The following ST6GALNAC3 variants were observed in gnomAD, a reference collection of about 807,000 sequenced individuals.
The protein encoded by ST6GALNAC3 is alpha-N-acetylgalactosaminide alpha-2,6-sialyltransferase 3.
A neutral mutation model predicts 32.7 loss-of-function variants in ST6GALNAC3; 25 were observed. That is an observed-to-expected ratio of 0.76 (90% CI 0.56 to 1.07). The LOEUF is 1.07. ST6GALNAC3 is among the 50% of genes least tolerant of loss of function. The probability of loss-of-function intolerance (pLI) is 0.00; values close to 1 mark genes in which losing one functional copy is unlikely to be tolerated. For synonymous variants in ST6GALNAC3, 129 were observed against 133.1 expected, an observed-to-expected ratio of 0.97 and a Z score of 0.21; for missense variants, 355 against 382.4, an observed-to-expected ratio of 0.93 and a Z score of 0.60.
At chr1:76,352,348 A>G (rs1570931711) in intron 2 of ST6GALNAC3, among the ~76,000 whole-genome samples, 1 of 143,546 alleles carries the variant, frequency 7.0e-6, no homozygotes, top group Non-Finnish European at 1.5e-5. Flanking sequence ...CGTCTGTCCA[A>G]CTTGACTATT....
At chr1:76,520,772 T>C (rs187469005) in intron 3 of ST6GALNAC3, among the ~76,000 whole-genome samples, 4 of 152,322 alleles carry the variant, frequency 2.6e-5, no homozygotes, top group South Asian at 2.1e-4. Context: ...GCTTTCTGTT[T>C]GACTAATATC....
chr1:76,620,744 T>C (rs189632382), intron 3 of ST6GALNAC3, among the ~76,000 whole-genome samples: 5 of 152,052 alleles, frequency 3.3e-5, no homozygotes, highest in African/African-American at 1.2e-4. Flanking sequence ...GACTGGGGAC[T>C]ACGGCCTCAA....
intron 3 of ST6GALNAC3, among the ~76,000 whole-genome samples, chr1:76,605,208 A>G (rs1301313045): frequency 6.6e-6 from 1 of 152,174 alleles, no homozygotes; most frequent in Non-Finnish European, 1.5e-5. Context: ...TGACCATCAG[A>G]TGTTGATAGA....
chr1:76,530,709 T>C (rs1166564026), intron 3 of ST6GALNAC3, among the ~76,000 whole-genome samples: 1 of 152,160 alleles, frequency 6.6e-6, no homozygotes, highest in Non-Finnish European at 1.5e-5. Flanking sequence ...ACTTAAAGGA[T>C]CCTTACAAAA....
intron 3 of ST6GALNAC3, among the ~76,000 whole-genome samples, chr1:76,624,242 A>G (rs149011894): frequency 1.2e-3 from 189 of 152,114 alleles, no homozygotes; most frequent in African/African-American, 4.4e-3. Flanking sequence ...AAATCAGGTT[A>G]GGTCCTAAAG....
At chr1:76,312,173 T>C (rs1557776223) in intron 1 of ST6GALNAC3, among the ~76,000 whole-genome samples, 1 of 149,172 alleles carries the variant, frequency 6.7e-6, no homozygotes, top group Non-Finnish European at 1.5e-5. Flanking sequence ...AAACAAACAA[T>C]GGGGAAAGGA....
intron 1 of ST6GALNAC3, among the ~76,000 whole-genome samples, chr1:76,276,834 G>T (rs1659161502): frequency 6.6e-6 from 1 of 152,146 alleles, no homozygotes; most frequent in African/African-American, 2.4e-5. Flanking sequence ...GGTTTTGTCA[G>T]CATTTAAAAA....
At chr1:76,172,806 C>T (rs1652606700) in intron 1 of ST6GALNAC3, among the ~76,000 whole-genome samples, 1 of 152,136 alleles carries the variant, frequency 6.6e-6, no homozygotes, top group Non-Finnish European at 1.5e-5. Flanking sequence ...TCAAGGAGAA[C>T]TACAAACCAC....
intron 1 of ST6GALNAC3, among the ~76,000 whole-genome samples, chr1:76,251,208 A>G (rs1369012358): frequency 1.3e-5 from 2 of 152,112 alleles, no homozygotes; most frequent in East Asian, 1.9e-4. Flanking sequence ...CACTAGTTTT[A>G]GTCCATTTAC....
chr1:76,628,731 T>C lies in ST6GALNAC3; in HGVS notation c.843T>C (p.Thr281=), dbSNP rs1184225523. 1 of 1,612,518 alleles carries C rather than the reference T, an allele frequency of 6.2e-7. No homozygotes were observed. Among genetic ancestry groups the C allele is most frequent in the Non-Finnish European group, 8.5e-7 (1 of 1,179,044 alleles). ...HAPYGGHRFI[T]EKKVFAKWAK... is the part of the protein sequence containing the mutation. ...CATATGGGGGTCATAGGTTTATCACTGAAAAGAAAGTGTTTGCTAAATGGG... is the reference window on the plus strand; with the variant it reads ...CATATGGGGGTCATAGGTTTATCACCGAAAAGAAAGTGTTTGCTAAATGGG... The change falls in exon 5 of 5, where the codon ACT becomes ACC. Residue 281 remains threonine (T), a synonymous_variant. Coordinates refer to ENST00000328299, the MANE Select transcript of ST6GALNAC3 (RefSeq NM_152996.4).
intron 2 of ST6GALNAC3, among the ~76,000 whole-genome samples, chr1:76,387,647 A>G (rs534498537): frequency 2.4e-4 from 36 of 152,254 alleles, no homozygotes; most frequent in Non-Finnish European, 4.7e-4. Context: ...ATGTAAATAA[A>G]TGAAAAATAA....
At chr1:76,146,783 G>A (rs772080968) in intron 1 of ST6GALNAC3, among the ~76,000 whole-genome samples, 5 of 152,148 alleles carry the variant, frequency 3.3e-5, no homozygotes, top group Non-Finnish European at 7.4e-5. Flanking sequence ...TTAGCCTCAG[G>A]ACAAATTAGA....
At chr1:76,093,310 G>C (rs1035092985) in intron 1 of ST6GALNAC3, among the ~76,000 whole-genome samples, 4 of 152,158 alleles carry the variant, frequency 2.6e-5, no homozygotes, top group African/African-American at 9.7e-5. Context: ...TAATTACCAC[G>C]TACAATTTTA....
chr1:76,131,564 C>T lies in ST6GALNAC3; in HGVS notation c.18+56680C>T, dbSNP rs141957921. Among the ~76,000 whole-genome samples, 904 of 152,268 alleles carry T rather than the reference C, an allele frequency of 5.9e-3. 7 individuals are homozygous for T. Among genetic ancestry groups the T allele is most frequent in the African/African-American group, 0.02 (841 of 41,534 alleles). On this transcript the variant is annotated intron_variant, in intron 1 of 4. Coordinates refer to ENST00000328299, the MANE Select transcript of ST6GALNAC3 (RefSeq NM_152996.4). ...CGACTCAGAAAAACGGGATGATCGC[C>T]AGCACTCAGGGGCCAAGGCATTTGG...
chr1:76,546,166 G>A (rs1361471889), intron 3 of ST6GALNAC3, among the ~76,000 whole-genome samples: 1 of 152,148 alleles, frequency 6.6e-6, no homozygotes, highest in African/African-American at 2.4e-5. Flanking sequence ...CCTTACATAC[G>A]CTATAGTGAT....
At chr1:76,084,807 C>G (rs1038154142) in intron 1 of ST6GALNAC3, among the ~76,000 whole-genome samples, 57 of 152,300 alleles carry the variant, frequency 3.7e-4, no homozygotes, top group African/African-American at 1.3e-3. Context: ...GCATTTTTCT[C>G]ATGAGATGAA....
At chr1:76,328,182 A>C (rs1328599833) in intron 2 of ST6GALNAC3, among the ~76,000 whole-genome samples, 1 of 152,204 alleles carries the variant, frequency 6.6e-6, no homozygotes, top group African/African-American at 2.4e-5. Context: ...CAGAAAGGAC[A>C]TCCAATATGC....
chr1:76,251,798 C>G (rs1365123217), intron 1 of ST6GALNAC3, among the ~76,000 whole-genome samples: 2 of 152,078 alleles, frequency 1.3e-5, no homozygotes, highest in African/African-American at 4.8e-5. Flanking sequence ...CAAACTCTCT[C>G]TACACCATAC....
chr1:76,426,546 T>TAA (rs753819786), intron 3 of ST6GALNAC3, among the ~76,000 whole-genome samples: 1 of 148,466 alleles, frequency 6.7e-6, no homozygotes, highest in Non-Finnish European at 1.5e-5. Flanking sequence ...GTTTTACAGA[T>TAA]ATATATATAT....
Sources: allele counts gnomAD v4.1 joint callset (sites outside exome capture counted in the v4.1 genomes callset), GRCh38; gene constraint gnomAD v4.1.1; transcripts MANE v1.5; gene names NCBI Gene and HGNC (gene_info 2026-07-23, HGNC 2026-07-21).